The following PTPRM variants were observed in gnomAD, a reference collection of about 807,000 sequenced individuals.
PTPRM encodes the protein receptor-type tyrosine-protein phosphatase mu.
In PTPRM, 47 loss-of-function variants were observed where a neutral mutation model predicts 186.7. The observed-to-expected ratio is 0.25, with a 90% confidence interval of 0.20 to 0.32. The LOEUF (loss-of-function observed/expected upper bound fraction) is 0.32. Among genes scored for constraint, PTPRM ranks in the 10% least tolerant of loss-of-function variants. PTPRM has a pLI of 1.00. For synonymous variants in PTPRM, 668 were observed against 674.9 expected (o/e 0.99, Z 0.16); for missense variants, 1,494 against 1,865.0 (o/e 0.80, Z 3.66).
At chr18:7,569,825 A>G (rs1162791860) in intron 1 of PTPRM, among the ~76,000 whole-genome samples, 1 of 152,224 alleles carries the variant, frequency 6.6e-6, no homozygotes, top group Non-Finnish European at 1.5e-5. Flanking sequence ...TGGAAGAAAT[A>G]TATCTATTTG....
intron 1 of PTPRM, among the ~76,000 whole-genome samples, chr18:7,744,481 A>G (rs1257149984): frequency 6.6e-6 from 1 of 152,204 alleles, no homozygotes; most frequent in African/African-American, 2.4e-5. Flanking sequence ...CAGCACTCTC[A>G]GTGCATTTTA....
At chr18:8,235,088 G>A (rs1178490063) in intron 14 of PTPRM, among the ~76,000 whole-genome samples, 1 of 152,070 alleles carries the variant, frequency 6.6e-6, no homozygotes, top group African/African-American at 2.4e-5. Context: ...GGAAATGCTG[G>A]CCTTTTAGAA....
At position 7,765,007 on chromosome 18, in the gene PTPRM, G is replaced by C. The variant is rs1032312346; in HGVS notation, c.74-9142G>C. Among the ~76,000 whole-genome samples, 3 of 152,140 alleles carry C rather than the reference G, an allele frequency of 2.0e-5. No homozygotes were observed. The South Asian group carries it at 6.2e-4, about 32-fold the overall frequency. ...AGTGGTTTAATTCAATCCAATAGTAGCTCTATGAGGTGTTTATTTGTATGT... is the reference window on the plus strand; with the variant it reads ...AGTGGTTTAATTCAATCCAATAGTACCTCTATGAGGTGTTTATTTGTATGT... On this transcript the variant is annotated intron_variant, in intron 1 of 32. Transcript: ENST00000580170.
intron 19 of PTPRM, among the ~76,000 whole-genome samples, chr18:8,262,347 A>G (rs1422690055): frequency 6.6e-6 from 1 of 152,242 alleles, no homozygotes; most frequent in East Asian, 1.9e-4. Context: ...GCTGAAAACT[A>G]TGCCACGGAT....
chr18:8,260,194 C>T (rs747786007), intron 19 of PTPRM, among the ~76,000 whole-genome samples: 1 of 151,916 alleles, frequency 6.6e-6, no homozygotes, highest in Non-Finnish European at 1.5e-5. Flanking sequence ...TTTTAAGAGA[C>T]ACTCTGTTGC....
intron 11 of PTPRM, among the ~76,000 whole-genome samples, chr18:8,096,032 G>A (rs1042892526): frequency 2.6e-5 from 4 of 152,052 alleles, no homozygotes; most frequent in African/African-American, 9.7e-5. Context: ...TCCTTATATT[G>A]CACCTTAACC....
chr18:7,578,332 ATTTTTTTTT>A (rs34096793), intron 1 of PTPRM, among the ~76,000 whole-genome samples: 172 of 121,520 alleles, frequency 1.4e-3, no homozygotes, highest in African/African-American at 5.8e-3. Flanking sequence ...TGGCTAATTA[ATTTTTTTTT>A]TTTTTTTTTT....
At chr18:7,915,286 G>C (rs1166722704) in intron 4 of PTPRM, among the ~76,000 whole-genome samples, 1 of 152,140 alleles carries the variant, frequency 6.6e-6, no homozygotes, top group Non-Finnish European at 1.5e-5. Context: ...ACAGGTTTTA[G>C]AAGAAAGCTG....
At chr18:7,864,713 G>GT (rs1337156743) in intron 2 of PTPRM, among the ~76,000 whole-genome samples, 1 of 152,116 alleles carries the variant, frequency 6.6e-6, no homozygotes, top group African/African-American at 2.4e-5. Context: ...ATTTAAAGTA[G>GT]TTTTTTCTAA....
At chr18:7,571,662 G>A (rs1003187935) in intron 1 of PTPRM, among the ~76,000 whole-genome samples, 14 of 152,158 alleles carry the variant, frequency 9.2e-5, no homozygotes, top group Admixed American at 2.0e-4. Flanking sequence ...TTTGGGACTC[G>A]TGGAGAAATT....
intron 2 of PTPRM, among the ~76,000 whole-genome samples, chr18:7,857,217 C>T (rs1335775404): frequency 6.6e-6 from 1 of 152,142 alleles, no homozygotes; most frequent in African/African-American, 2.4e-5. Context: ...AGTAGGTAGG[C>T]TGAGCTCAGT....
intron 7 of PTPRM, among the ~76,000 whole-genome samples, chr18:8,048,895 G>A (rs1281778725): frequency 1.3e-5 from 2 of 152,182 alleles, no homozygotes; most frequent in African/African-American, 2.4e-5. Context: ...AGCAAAGAGT[G>A]AATGGTTTGG....
At chr18:7,805,903 A>G (rs2044209946) in intron 2 of PTPRM, among the ~76,000 whole-genome samples, 1 of 152,216 alleles carries the variant, frequency 6.6e-6, no homozygotes. Flanking sequence ...TGTTAAAAGT[A>G]TTTTAAGAAT....
At chr18:7,767,331 G>T (rs539837987) in intron 1 of PTPRM, among the ~76,000 whole-genome samples, 1 of 152,270 alleles carries the variant, frequency 6.6e-6, no homozygotes, top group East Asian at 1.9e-4. Flanking sequence ...GGTTTTTAAA[G>T]TGTACAGATG....
At chr18:8,003,486 C>G (rs2083991481) in intron 7 of PTPRM, among the ~76,000 whole-genome samples, 1 of 152,186 alleles carries the variant, frequency 6.6e-6, no homozygotes, top group South Asian at 2.1e-4. Context: ...GAATTATTCT[C>G]CAGATTTAGA....
intron 14 of PTPRM, among the ~76,000 whole-genome samples, chr18:8,236,627 T>TGCATCCTGAGTTCAAGCAATCCTCC (rs1380700285): frequency 3.9e-5 from 6 of 152,066 alleles, no homozygotes; most frequent in Non-Finnish European, 8.8e-5. Context: ...CTGCAACCTC[T>TGCATCCTGAGTTCAAGCAATCCTCC]GCCTCCTGAG....
rs557561484 is a variant in PTPRM at position 7,966,040 on chromosome 18, A to G, written c.1132+10626A>G. On this transcript the variant is annotated intron_variant, in intron 7 of 32. Coordinates refer to ENST00000580170, the MANE Select transcript of PTPRM (RefSeq NM_001105244.2). ...TATGAAAGATTGATAATATGTCAAAATTTTAGTTTATGAGGGTTAGCCATG... is the reference window on the plus strand; with the variant it reads ...TATGAAAGATTGATAATATGTCAAAGTTTTAGTTTATGAGGGTTAGCCATG... Among the ~76,000 whole-genome samples the G allele has an allele frequency of 3.9e-3, 600 of 152,322 alleles. 3 individuals are homozygous for G. The highest frequency in any genetic ancestry group is 6.3e-3 in the Non-Finnish European group (429 of 68,028).
chr18:8,397,587 T>C (rs765510972), intron 32 of PTPRM, among the ~76,000 whole-genome samples: 28 of 152,162 alleles, frequency 1.8e-4, no homozygotes. Context: ...TTCTAAGTTA[T>C]CCATCTCTTC....
At chr18:8,189,151 G>T (rs932785489) in intron 14 of PTPRM, among the ~76,000 whole-genome samples, 1 of 151,992 alleles carries the variant, frequency 6.6e-6, no homozygotes, top group Non-Finnish European at 1.5e-5. Flanking sequence ...AAATAAATTA[G>T]CCAGGCATGG....
Sources: allele counts gnomAD v4.1 joint callset (sites outside exome capture counted in the v4.1 genomes callset), GRCh38; gene constraint gnomAD v4.1.1; transcripts MANE v1.5; gene names NCBI Gene and HGNC (gene_info 2026-07-23, HGNC 2026-07-21).